IGSF11: variants seen among roughly 807,000 people sequenced by gnomAD.
IGSF11 encodes the protein CXADR like 1.
Under a neutral mutation model 41.0 loss-of-function variants are expected in IGSF11, and 22 were observed. That is an observed-to-expected ratio of 0.54 (90% confidence interval 0.38 to 0.77). IGSF11 has a LOEUF of 0.77. Among genes scored for constraint, IGSF11 ranks in the 30% least tolerant of loss-of-function variants. IGSF11 has a pLI of 0.00. For missense variants in IGSF11, 444 were observed against 530.8 expected (o/e 0.84, Z 1.61); for synonymous variants, 219 against 201.3 (o/e 1.09, Z -0.74).
chr3:118,962,503 G>T (rs1945404561), intron 1 of IGSF11, among the ~76,000 whole-genome samples: 1 of 152,186 alleles, frequency 6.6e-6, no homozygotes, highest in South Asian at 2.1e-4. Flanking sequence ...GTCACTGGTG[G>T]GACCATTTAA....
At chr3:119,128,859 G>T (rs1308353591) in intron 1 of IGSF11, among the ~76,000 whole-genome samples, 1 of 152,128 alleles carries the variant, frequency 6.6e-6, no homozygotes, top group African/African-American at 2.4e-5. Context: ...AAAGACATAT[G>T]CACATGTATT....
intron 1 of IGSF11, chr3:118,982,079 G>A (rs1934782073): frequency 1.3e-5 from 2 of 152,196 alleles, no homozygotes; most frequent in South Asian, 2.1e-4. Flanking sequence ...AGTCAGGCAC[G>A]AACCACAAAG....
intron 1 of IGSF11, among the ~76,000 whole-genome samples, chr3:118,949,513 T>C (rs962709545): frequency 6.6e-6 from 1 of 152,176 alleles, no homozygotes; most frequent in African/African-American, 2.4e-5. Context: ...TCCATAGTTG[T>C]TAACATCTAA....
intron 1 of IGSF11, among the ~76,000 whole-genome samples, chr3:118,974,085 A>G (rs766204584): frequency 1.7e-4 from 26 of 152,108 alleles, no homozygotes; most frequent in Non-Finnish European, 3.5e-4. Flanking sequence ...CACATCCTGC[A>G]CGTGTATCCC....
At chr3:119,014,851 G>A (rs759581097) in intron 1 of IGSF11, among the ~76,000 whole-genome samples, 7 of 152,220 alleles carry the variant, frequency 4.6e-5, no homozygotes, top group East Asian at 3.9e-4. Context: ...CACTGTAAGC[G>A]GAAGAAATCT....
intron 1 of IGSF11, among the ~76,000 whole-genome samples, chr3:118,977,445 G>A (rs753291035): frequency 5.9e-5 from 9 of 152,102 alleles, no homozygotes; most frequent in African/African-American, 9.7e-5. Context: ...GCTTCAAGAT[G>A]GCTGATTAGA....
At chr3:119,136,905 AC>A (rs1466332373) in intron 1 of IGSF11, among the ~76,000 whole-genome samples, 2 of 152,204 alleles carry the variant, frequency 1.3e-5, no homozygotes, top group Non-Finnish European at 1.5e-5. Flanking sequence ...AAATCAACAT[AC>A]AAAAGCCAGT....
intron 1 of IGSF11, among the ~76,000 whole-genome samples, chr3:119,032,666 C>T (rs780617735): frequency 6.6e-6 from 1 of 152,220 alleles, no homozygotes; most frequent in Non-Finnish European, 1.5e-5. Context: ...CCACTCCCAT[C>T]TGAGCCAATT....
At chr3:118,954,373 G>A (rs1039355041) in intron 1 of IGSF11, among the ~76,000 whole-genome samples, 1 of 152,058 alleles carries the variant, frequency 6.6e-6, no homozygotes, top group Non-Finnish European at 1.5e-5. Context: ...ACTTAGCCTT[G>A]TTTGGCTATG....
intron 1 of IGSF11, among the ~76,000 whole-genome samples, chr3:119,120,979 T>C (rs139758334): frequency 1.1e-3 from 161 of 152,332 alleles, no homozygotes; most frequent in African/African-American, 3.8e-3. Flanking sequence ...TAATAACTCC[T>C]GTATTATCAT....
intron 1 of IGSF11, among the ~76,000 whole-genome samples, chr3:119,068,222 T>C (rs1215756390): frequency 2.0e-5 from 3 of 152,204 alleles, no homozygotes; most frequent in Non-Finnish European, 4.4e-5. Flanking sequence ...TTTTGAAGTA[T>C]TTGCAGATGT....
At chr3:118,941,122 T>G (rs1943660958) in intron 1 of IGSF11, among the ~76,000 whole-genome samples, 1 of 152,036 alleles carries the variant, frequency 6.6e-6, no homozygotes, top group Non-Finnish European at 1.5e-5. Context: ...CTCATCAAAA[T>G]TATTGTTTTG....
chr3:118,950,594 C>A (rs1211595089), intron 1 of IGSF11, among the ~76,000 whole-genome samples: 1 of 151,950 alleles, frequency 6.6e-6, no homozygotes. Flanking sequence ...TTTTCCCCAT[C>A]TTGCCTGGAA....
At chr3:119,069,506 C>T (rs1005961003) in intron 1 of IGSF11, among the ~76,000 whole-genome samples, 21 of 152,020 alleles carry the variant, frequency 1.4e-4, no homozygotes, top group African/African-American at 5.1e-4. Flanking sequence ...CTGATAAATA[C>T]ATATATTGAT....
intron 1 of IGSF11, among the ~76,000 whole-genome samples, chr3:119,001,169 T>G (rs7641626): frequency 0.41 from 61,605 of 150,668 alleles, 15,790 homozygotes; most frequent in African/African-American, 0.73. Flanking sequence ...CTTAGTCATT[T>G]AAGCCTACCC....
At chr3:119,004,851 G>C (rs1292031893) in intron 1 of IGSF11, among the ~76,000 whole-genome samples, 1 of 152,140 alleles carries the variant, frequency 6.6e-6, no homozygotes, top group Non-Finnish European at 1.5e-5. Context: ...TTTCTGTTCT[G>C]TCACATTTGC....
At chr3:118,940,412 A>T (rs1253633950) in intron 1 of IGSF11, among the ~76,000 whole-genome samples, 1 of 152,180 alleles carries the variant, frequency 6.6e-6, no homozygotes, top group Non-Finnish European at 1.5e-5. Context: ...TTAAAATTTT[A>T]AAATGATACC....
chr3:119,076,810 CGTT>C (rs2076507847), intron 1 of IGSF11, among the ~76,000 whole-genome samples: 1 of 147,990 alleles, frequency 6.8e-6, no homozygotes, highest in African/African-American at 2.5e-5. Context: ...TTTTTTTTTA[CGTT>C]GTTGGTGGGA....
chr3:118,962,947 C>T (rs1945440977), intron 1 of IGSF11, among the ~76,000 whole-genome samples: 1 of 152,152 alleles, frequency 6.6e-6, no homozygotes, highest in South Asian at 2.1e-4. Flanking sequence ...GCCAATAACA[C>T]TAGATTTGGC....
Sources: gnomAD v4.1 joint callset for allele counts (sites outside exome capture counted in the v4.1 genomes callset) on GRCh38, gnomAD v4.1.1 for gene constraint, MANE v1.5 for transcripts, NCBI Gene and HGNC (gene_info 2026-07-23, HGNC 2026-07-21) for gene names.